The following MED30 variants were observed in gnomAD, a reference collection of about 807,000 sequenced individuals.
MED30 encodes the protein mediator of RNA polymerase II transcription subunit 30.
In MED30, 8 loss-of-function variants were observed where a neutral mutation model predicts 21.7. The ratio of observed to expected loss-of-function variants is 0.37; its 90% CI spans 0.22 to 0.67. MED30 has a LOEUF of 0.67. Ranked by LOEUF, MED30 falls within the 30% of genes least tolerant of loss-of-function variation. The pLI is 0.58. For missense variants in MED30, 203 were observed against 228.2 expected, an observed-to-expected ratio of 0.89 and a Z score of 0.71; for synonymous variants, 79 against 86.7, an observed-to-expected ratio of 0.91 and a Z score of 0.49.
rs1173800923 is a variant in MED30, at chr8:117,530,745, A to C, written c.359A>C (p.Glu120Ala). Residue 120 changes from glutamate (E) to alanine (A), a missense_variant, in exon 3 of 4, where the codon GAA becomes GCA. Glu to Ala is a moderately radical substitution (Grantham distance 107). Coordinates refer to ENST00000297347, the MANE Select transcript of MED30 (RefSeq NM_080651.4). ...PVEQLIPYVE[E>A]DGSKNDDRAG... is the part of the protein sequence containing the mutation. ...CAGCAACTTATTCCATATGTGGAAG[A>C]AGATGGCTCAAAGAATGATGATCGG... 1 of 1,611,868 alleles carries C rather than the reference A, an allele frequency of 6.2e-7. No homozygotes were observed. Among genetic ancestry groups the C allele is most frequent in the Non-Finnish European group, 8.5e-7 (1 of 1,178,758 alleles).
intron 3 of MED30, among the ~76,000 whole-genome samples, chr8:117,536,081 G>A (rs1818874216): frequency 6.6e-6 from 1 of 151,698 alleles, no homozygotes; most frequent in African/African-American, 2.4e-5. Flanking sequence ...TTAAATATTT[G>A]TGTGCCTGCT....
chr8:117,528,296 A>T (rs1586862197), intron 1 of MED30, among the ~76,000 whole-genome samples: 1 of 151,858 alleles, frequency 6.6e-6, no homozygotes, highest in East Asian at 1.9e-4. Flanking sequence ...TTTGTTTTTA[A>T]CTTCTTGGTT....
Position 117,520,814 on chromosome 8 carries a change from A to G in MED30, c.-63A>G, listed in dbSNP as rs770455226. The G allele has an allele frequency of 2.4e-4, 345 of 1,464,008 alleles. No individual in the cohort carries two copies. Among genetic ancestry groups the G allele is most frequent in the Non-Finnish European group, 2.8e-4 (303 of 1,100,268 alleles). 90.7% of individuals were successfully genotyped at this position (1,464,008 alleles called of 1,614,324 possible). ...AACGCTGAGGCCCCACAGCCTCCCAATTCCGGGCAGACCCCTGACACCTGC... is the reference window on the plus strand; with the variant it reads ...AACGCTGAGGCCCCACAGCCTCCCAGTTCCGGGCAGACCCCTGACACCTGC... On this transcript the variant is annotated 5_prime_UTR_variant, in exon 1 of 4. Transcript: ENST00000297347.
intron 3 of MED30, 148 bp from the exon 4 acceptor site, chr8:117,539,735 G>A: frequency 1.8e-6 from 1 of 543,630 alleles, no homozygotes; most frequent in South Asian, 2.2e-5. Flanking sequence ...TTTAAGGCCA[G>A]AAGAGGGTTG....
At position 117,528,713 on chromosome 8, in the gene MED30, T is replaced by C. The variant is rs1259074008; in HGVS notation, c.240T>C (p.Asp80=). Residue 80 remains aspartate, a synonymous_variant, in exon 2 of 4, where the codon GAT becomes GAC. Transcript: ENST00000297347. ...TYQDRLTKLQ[D]NLRQLSVLFR... ...AAGACCGGTTAACAAAGCTACAGGA[T>C]AATCTTCGCCAACTTTCAGTTCTCT... 2 of 1,611,234 alleles carry C rather than the reference T, an allele frequency of 1.2e-6. No homozygotes were observed. The highest frequency in any genetic ancestry group is 1.7e-6 in the Non-Finnish European group (2 of 1,178,562).
intron 3 of MED30, 99 bp from the exon 4 acceptor site, chr8:117,539,780 TTCTG>T (rs1818947172): frequency 2.8e-6 from 2 of 706,406 alleles, no homozygotes; most frequent in African/African-American, 3.7e-5. Context: ...TTAGCTTAAT[TTCTG>T]TCTGTATCAT....
chr8:117,539,447 G>A (rs548432152), intron 3 of MED30, among the ~76,000 whole-genome samples: 4 of 151,752 alleles, frequency 2.6e-5, no homozygotes, highest in East Asian at 3.9e-4. Flanking sequence ...CCAAGATTGC[G>A]CCACTGCACT....
intron 1 of MED30, chr8:117,523,141 A>G (rs1041120660): frequency 1.5e-4 from 88 of 606,286 alleles, no homozygotes; most frequent in African/African-American, 1.4e-3. Flanking sequence ...AACTTTTTCA[A>G]AAAAAGTATT....
chr8:117,537,901 G>A (rs922803579), intron 3 of MED30, among the ~76,000 whole-genome samples: 6 of 152,186 alleles, frequency 3.9e-5, no homozygotes, highest in Non-Finnish European at 8.8e-5. Context: ...AAACCAAGAA[G>A]AAGGAATTTA....
intron 1 of MED30, among the ~76,000 whole-genome samples, chr8:117,522,649 A>T (rs541098118): frequency 7.7e-4 from 114 of 148,842 alleles, no homozygotes; most frequent in Admixed American, 1.6e-3. Context: ...TTTTTTTTTT[A>T]ACTGGTCAAG....
chr8:117,523,224 T>G, intron 1 of MED30: 1 of 835,596 alleles, frequency 1.2e-6, no homozygotes, highest in Admixed American at 2.2e-5. Flanking sequence ...TTTTTTTTTG[T>G]CTGTAAGTTT....
chr8:117,538,835 T>G (rs114276659), intron 3 of MED30, among the ~76,000 whole-genome samples: 167 of 152,302 alleles, frequency 1.1e-3, no homozygotes, highest in African/African-American at 3.8e-3. Flanking sequence ...ATTCAGCAAA[T>G]CTTAGTAGAG....
At chr8:117,539,670 G>A (rs1268422116) in intron 3 of MED30, among the ~76,000 whole-genome samples, 1 of 152,212 alleles carries the variant, frequency 6.6e-6, no homozygotes, top group Non-Finnish European at 1.5e-5. Context: ...CGGGGCTGGG[G>A]CCATAGACCT....
chr8:117,529,795 G>A (rs961357965), intron 2 of MED30, among the ~76,000 whole-genome samples: 1 of 151,892 alleles, frequency 6.6e-6, no homozygotes, highest in Non-Finnish European at 1.5e-5. Context: ...GGGAGAGGTT[G>A]AGAGAAAGGT....
At chr8:117,521,559 C>T (rs1375455076) in intron 1 of MED30, among the ~76,000 whole-genome samples, 1 of 152,198 alleles carries the variant, frequency 6.6e-6, no homozygotes, top group East Asian at 1.9e-4. Context: ...ATAGTGTACA[C>T]ATCATCCCAG....
intron 3 of MED30, among the ~76,000 whole-genome samples, chr8:117,538,810 G>A (rs918305668): frequency 3.9e-5 from 6 of 152,122 alleles, no homozygotes; most frequent in Non-Finnish European, 7.4e-5. Context: ...GACACATGCC[G>A]TGCACATTTC....
At chr8:117,521,726 CT>C (rs1818625888) in intron 1 of MED30, among the ~76,000 whole-genome samples, 1 of 151,960 alleles carries the variant, frequency 6.6e-6, no homozygotes. Flanking sequence ...GTCTGAGATC[CT>C]TCACTAAGAA....
chr8:117,520,966 G>T lies in MED30; in HGVS notation c.90G>T (p.Thr30=), dbSNP rs753076355. ...AGCAGGCCGCCCGGGAAGTCAACAC[G>T]GCGTCGCTGTGCCGCATCGGGCAGG... The part of the protein sequence containing the change: ...QAQQAAREVN[T]ASLCRIGQET... Residue 30 remains threonine (T), a synonymous_variant, in exon 1 of 4, where the codon ACG becomes ACT. Coordinates refer to ENST00000297347, the MANE Select transcript of MED30 (RefSeq NM_080651.4). The T allele has an allele frequency of 2.5e-6, 4 of 1,612,906 alleles. No homozygotes were observed. The African/African-American group carries it at 5.3e-5, about 22-fold the overall frequency.
intron 3 of MED30, among the ~76,000 whole-genome samples, chr8:117,539,591 CAAAT>C: frequency 6.6e-6 from 1 of 152,192 alleles, no homozygotes; most frequent in Middle Eastern, 3.4e-3. Context: ...TGTTTTATAA[CAAAT>C]AAATGTTTAG....
Sources: allele counts gnomAD v4.1 joint callset (sites outside exome capture counted in the v4.1 genomes callset), GRCh38; gene constraint gnomAD v4.1.1; transcripts MANE v1.5; gene names NCBI Gene and HGNC (gene_info 2026-07-23, HGNC 2026-07-21).